TSHR: variants seen among roughly 807,000 people sequenced by gnomAD.
TSHR encodes the protein thyrotropin receptor.
Under a neutral mutation model 64.1 loss-of-function variants are expected in TSHR, and 51 were observed. That is an observed-to-expected ratio of 0.80 (90% CI 0.64 to 1.01). The LOEUF (loss-of-function observed/expected upper bound fraction) is 1.01, where lower values mean the gene tolerates loss of function less well. Ranked by LOEUF, TSHR falls within the 50% of genes least tolerant of loss-of-function variation. TSHR has a pLI of 0.00. For synonymous variants in TSHR, 361 were observed against 361.9 expected (o/e 1.00, Z 0.03); for missense variants, 877 against 942.8 (o/e 0.93, Z 0.91).
chr14:81,092,889 G>A (rs1454561741), intron 6 of TSHR, among the ~76,000 whole-genome samples: 1 of 152,162 alleles, frequency 6.6e-6, no homozygotes, highest in African/African-American at 2.4e-5. Context: ...AACCTCTGTA[G>A]GAACTGGTCA....
At chr14:81,007,181 T>C (rs190370970) in intron 1 of TSHR, among the ~76,000 whole-genome samples, 3 of 152,326 alleles carry the variant, frequency 2.0e-5, no homozygotes, top group Non-Finnish European at 4.4e-5. Context: ...GTCATGAGGA[T>C]TAGTGTCCTA....
intron 1 of TSHR, among the ~76,000 whole-genome samples, chr14:80,966,189 T>C (rs1161568340): frequency 6.6e-6 from 1 of 152,218 alleles, no homozygotes; most frequent in Non-Finnish European, 1.5e-5. Flanking sequence ...TCACTTTATA[T>C]TTTGTTATTT....
At chr14:80,969,958 C>T (rs1451609777) in intron 1 of TSHR, among the ~76,000 whole-genome samples, 2 of 152,186 alleles carry the variant, frequency 1.3e-5, no homozygotes, top group South Asian at 2.1e-4. Flanking sequence ...ACCCTTGCCA[C>T]GGTTCTTTCT....
chr14:81,065,333 G>A (rs1456762394), intron 2 of TSHR, among the ~76,000 whole-genome samples: 4 of 152,108 alleles, frequency 2.6e-5, no homozygotes, highest in East Asian at 1.9e-4. Flanking sequence ...AAACTAATAG[G>A]CTTATTGGTG....
intron 1 of TSHR, chr14:81,052,171 A>G (rs192603137): frequency 5.8e-4 from 88 of 152,290 alleles, no homozygotes; most frequent in African/African-American, 2.0e-3. Flanking sequence ...TGAGTTTTAC[A>G]GTTTCAGATC....
chr14:81,021,161 C>T (rs1303645890), intron 1 of TSHR, among the ~76,000 whole-genome samples: 4 of 152,188 alleles, frequency 2.6e-5, no homozygotes, highest in East Asian at 1.9e-4. Context: ...ACCATGCCCC[C>T]GACCCTGCCA....
chr14:80,981,925 C>T lies in TSHR; in HGVS notation c.170+26075C>T, dbSNP rs556060976. 16 of 236,816 alleles carry T rather than the reference C, an allele frequency of 6.8e-5. No individual in the cohort carries two copies. In the East Asian group the frequency reaches 1.5e-3, roughly 22 times the overall value. The allele number at this position is 236,816 out of a possible 1,614,324, so 14.7% of individuals were successfully genotyped here. On this transcript the variant is annotated intron_variant, in intron 1 of 9. Transcript: ENST00000298171. ...ACACAGTGAAAGAGTATTAAGACAT[C>T]AGCCTAGGACACCTTGAGAACCAAG...
chr14:81,000,041 C>A (rs1193579028), intron 1 of TSHR, among the ~76,000 whole-genome samples: 4 of 150,494 alleles, frequency 2.7e-5, no homozygotes, highest in Non-Finnish European at 5.9e-5. Context: ...AAGCGATTCT[C>A]CAGCCTCAGA....
chr14:81,143,579 A>T lies in TSHR; in HGVS notation c.1521A>T (p.Leu507Phe). Residue 507 changes from leucine to phenylalanine, a missense_variant, in exon 10 of 10, where the codon TTA becomes TTT. Leu to Phe is a conservative substitution (Grantham distance 22). Transcript: ENST00000298171. ...AGFFTVFASE[L>F]SVYTLTVITL... Reference sequence around the variant, plus strand: ...TCTTCACTGTCTTTGCAAGCGAGTTATCGGTGTATACGCTGACGGTCATCA... The same window carrying T: ...TCTTCACTGTCTTTGCAAGCGAGTTTTCGGTGTATACGCTGACGGTCATCA... 1.9e-6 allele frequency: 3 copies of T among 1,613,366 alleles called. No individual in the cohort carries two copies. Among genetic ancestry groups the T allele is most frequent in the Non-Finnish European group, 2.5e-6 (3 of 1,180,014 alleles).
chr14:81,068,970 CTAG>C (rs143970095), intron 3 of TSHR, among the ~76,000 whole-genome samples: 43 of 152,202 alleles, frequency 2.8e-4, no homozygotes, highest in Non-Finnish European at 6.0e-4. Flanking sequence ...TTCTATTTCG[CTAG>C]TAGATTACAA....
At chr14:81,109,519 T>C (rs1263332550) in intron 8 of TSHR, among the ~76,000 whole-genome samples, 1 of 152,248 alleles carries the variant, frequency 6.6e-6, no homozygotes, top group African/African-American at 2.4e-5. Context: ...TTAGAGGTTC[T>C]ATTTATACTT....
intron 1 of TSHR, among the ~76,000 whole-genome samples, chr14:80,967,429 C>T (rs1887379105): frequency 6.6e-6 from 1 of 151,764 alleles, no homozygotes; most frequent in African/African-American, 2.4e-5. Flanking sequence ...GGATTACAAG[C>T]ATGTGCCACC....
chr14:81,125,051 GCC>G (rs1007890437), intron 8 of TSHR, among the ~76,000 whole-genome samples: 129 of 152,264 alleles, frequency 8.5e-4, no homozygotes, highest in African/African-American at 3.0e-3. Context: ...ATAAGACACA[GCC>G]TCTGCTTTAA....
chr14:81,131,424 C>T (rs1318464402), intron 8 of TSHR, among the ~76,000 whole-genome samples: 2 of 152,160 alleles, frequency 1.3e-5, no homozygotes, highest in Non-Finnish European at 2.9e-5. Flanking sequence ...CAGATTATAC[C>T]ATTCCTCTGC....
rs71103894 is a variant in TSHR at position 81,005,197 on chromosome 14, TTGTGTGTGTG to T, written c.170+49382_170+49391del. Among the ~76,000 whole-genome samples, 915 of 149,902 alleles carry T rather than the reference TTGTGTGTGTG, an allele frequency of 6.1e-3. 11 individuals carry two copies. Among genetic ancestry groups the T allele is most frequent in the African/African-American group, 0.02 (816 of 40,504 alleles). ...CTTCTCATGAAGGGGACTCAAGCCT[TTGTGTGTGTG>T]TGTGTGTGTGTGTGTGTGTGTGTGT... is the stretch of plus-strand genomic sequence containing the variant. On this transcript the variant is annotated intron_variant, in intron 1 of 9. Coordinates refer to ENST00000298171, the MANE Select transcript of TSHR (RefSeq NM_000369.5).
intron 2 of TSHR, 23 bp downstream of exon 2, chr14:81,062,242 A>G: frequency 6.4e-7 from 1 of 1,572,704 alleles, no homozygotes; most frequent in Non-Finnish European, 8.7e-7. Flanking sequence ...AATATAAAGA[A>G]AAGTTTGCAT....
intron 4 of TSHR, 126 bp from the exon 5 acceptor site, chr14:81,090,943 T>C: frequency 7.8e-6 from 6 of 765,300 alleles, no homozygotes; most frequent in Non-Finnish European, 1.3e-5. Flanking sequence ...AGGGAAGGTG[T>C]TGGGAGTTTG....
chr14:80,966,515 C>A (rs1887305189), intron 1 of TSHR, among the ~76,000 whole-genome samples: 1 of 151,424 alleles, frequency 6.6e-6, no homozygotes, highest in East Asian at 1.9e-4. Context: ...TACACTAGTA[C>A]TATTCTAGGC....
chr14:81,050,690 CTA>C (rs999215968), intron 1 of TSHR: 4 of 152,204 alleles, frequency 2.6e-5, no homozygotes, highest in Admixed American at 6.5e-5. Context: ...CTGTTAAAAA[CTA>C]TTTTTAATTG....
Sources: gnomAD v4.1 joint callset for allele counts (sites outside exome capture counted in the v4.1 genomes callset) on GRCh38, gnomAD v4.1.1 for gene constraint, MANE v1.5 for transcripts, NCBI Gene and HGNC (gene_info 2026-07-23, HGNC 2026-07-21) for gene names.